The following UPF2 variants were observed in gnomAD, a reference collection of about 807,000 sequenced individuals.
UPF2 encodes regulator of nonsense transcripts 2.
Under a neutral mutation model 141.4 loss-of-function variants are expected in UPF2, and 17 were observed. That is an observed-to-expected ratio of 0.12 (90% CI 0.08 to 0.18). The LOEUF (loss-of-function observed/expected upper bound fraction) is 0.18. Ranked by LOEUF, UPF2 falls within the 10% of genes least tolerant of loss-of-function variation. The pLI, the probability that UPF2 is intolerant of heterozygous loss-of-function variation, is 1.00. For synonymous variants in UPF2, 540 were observed against 498.0 expected (o/e 1.08, Z -1.12); for missense variants, 1,152 against 1,515.9 (o/e 0.76, Z 3.99).
intron 4 of UPF2, among the ~76,000 whole-genome samples, chr10:12,006,104 T>G (rs1834031203): frequency 6.6e-6 from 1 of 151,990 alleles, no homozygotes; most frequent in African/African-American, 2.4e-5. Context: ...GGTCTCAAAC[T>G]CCTAAGTTCA....
At chr10:12,034,988 T>C in intron 2 of UPF2, 71 bp downstream of exon 2, 1 of 1,504,644 alleles carries the variant, frequency 6.6e-7, no homozygotes, top group South Asian at 1.4e-5. Context: ...ATATTTCAAA[T>C]AATGTTTTTT....
chr10:12,021,071 T>C (rs961236956), intron 3 of UPF2, among the ~76,000 whole-genome samples: 1 of 152,176 alleles, frequency 6.6e-6, no homozygotes, highest in Non-Finnish European at 1.5e-5. Flanking sequence ...AATGTAAATA[T>C]GGGTGGATAT....
At chr10:12,034,173 T>G (rs1203893043) in intron 2 of UPF2, among the ~76,000 whole-genome samples, 1 of 152,164 alleles carries the variant, frequency 6.6e-6, no homozygotes, top group Non-Finnish European at 1.5e-5. Flanking sequence ...AAAACTTACT[T>G]CACTGGGATT....
chr10:11,946,823 T>A (rs1212919093), intron 16 of UPF2, among the ~76,000 whole-genome samples: 3 of 152,144 alleles, frequency 2.0e-5, no homozygotes, highest in Admixed American at 6.5e-5. Flanking sequence ...CAAGCAATCC[T>A]CCCACCTCAG....
intron 11 of UPF2, among the ~76,000 whole-genome samples, chr10:11,963,674 G>A (rs1162372385): frequency 6.6e-6 from 1 of 152,166 alleles, no homozygotes; most frequent in Non-Finnish European, 1.5e-5. Flanking sequence ...GGTTTGAGAT[G>A]CACCAAAACA....
intron 4 of UPF2, among the ~76,000 whole-genome samples, chr10:12,007,528 A>C (rs1834053520): frequency 6.6e-6 from 1 of 152,164 alleles, no homozygotes; most frequent in East Asian, 1.9e-4. Context: ...TGCAATGCAT[A>C]TAAAAAATAT....
intron 19 of UPF2, among the ~76,000 whole-genome samples, chr10:11,934,357 G>C (rs941968762): frequency 1.2e-4 from 19 of 152,126 alleles, no homozygotes; most frequent in Admixed American, 5.2e-4. Flanking sequence ...ATAGAGAATG[G>C]AGAGTAAAGG....
chr10:11,938,867 T>TTTTTTG (rs1564337869), intron 18 of UPF2, among the ~76,000 whole-genome samples: 5 of 103,356 alleles, frequency 4.8e-5, no homozygotes, highest in African/African-American at 1.7e-4. Flanking sequence ...TTTTTTTTTT[T>TTTTTTG]TTTTTTTTTT....
At chr10:11,948,257 A>C in intron 16 of UPF2, 112 bp downstream of exon 16, 3 of 1,129,904 alleles carry the variant, frequency 2.7e-6, no homozygotes, top group Non-Finnish European at 3.6e-6. Context: ...CAAAAAAAAA[A>C]AAAAAAAAAA....
chr10:11,956,084 T>C lies in UPF2; in HGVS notation c.2574+236A>G, dbSNP rs112542372. ...ATTGCTTGAACCCAGGAGGAAGAGGTTGCAGCGAGCGGAGATCGTGCCAGT... is the reference window on the plus strand; with the variant it reads ...ATTGCTTGAACCCAGGAGGAAGAGGCTGCAGCGAGCGGAGATCGTGCCAGT... On this transcript the variant is annotated intron_variant, in intron 13 of 21. Transcript: ENST00000357604. This position sits in a 1 kb window ranked among gnomAD's most constrained non-coding sequence, Gnocchi z 4.2. Among the ~76,000 whole-genome samples the C allele has an allele frequency of 3.3e-5, 5 of 151,516 alleles. No homozygotes were observed. Among genetic ancestry groups the C allele is most frequent in the African/African-American group, 9.7e-5 (4 of 41,298 alleles).
chr10:11,939,616 G>A lies in UPF2; in HGVS notation c.3379-2904C>T, dbSNP rs1485827302. 6.6e-6 allele frequency among the ~76,000 whole-genome samples: 1 copy of A among 151,830 alleles called. No individual in the cohort carries two copies. Among genetic ancestry groups the A allele is most frequent in the Non-Finnish European group, 1.5e-5 (1 of 67,988 alleles). The stretch of plus-strand genomic sequence containing the variant: ...TGCAACCTCCACCTCCCAGGTTCAA[G>A]TGATTCTCCTGACTCAGCCTCCTGA... On this transcript the variant is annotated intron_variant, in intron 18 of 21. Coordinates refer to ENST00000357604, the MANE Select transcript of UPF2 (RefSeq NM_015542.4). The surrounding 1 kb of genome is among the most constrained non-coding windows in gnomAD (Gnocchi z 4.8).
chr10:11,947,429 T>A lies in UPF2; in HGVS notation c.3174+940A>T, dbSNP rs903290781. The stretch of plus-strand genomic sequence containing the variant: ...AGCTCATTAATATCTAGCCAGTAAT[T>A]TTGTTTTGAAGAGTATAAAATCCAC... On this transcript the variant is annotated intron_variant, in intron 16 of 21. Transcript: ENST00000357604. 2.8e-4 allele frequency among the ~76,000 whole-genome samples: 43 copies of A among 152,122 alleles called. 1 individual carries two copies. The highest frequency in any genetic ancestry group is 9.4e-4 in the African/African-American group (39 of 41,404).
At chr10:12,023,470 C>T (rs7098417) in intron 3 of UPF2, among the ~76,000 whole-genome samples, 13,222 of 144,028 alleles carry the variant, frequency 0.092, 770 homozygotes, top group South Asian at 0.13. Flanking sequence ...GTCAAGAGAT[C>T]GAGACCATCC....
intron 1 of UPF2, among the ~76,000 whole-genome samples, chr10:12,037,134 G>A (rs1834642393): frequency 6.6e-6 from 1 of 152,162 alleles, no homozygotes; most frequent in Admixed American, 6.6e-5. Context: ...GCCCAGGCTG[G>A]AGTGCAGTGG....
At chr10:12,011,834 A>C (rs904602008) in intron 4 of UPF2, among the ~76,000 whole-genome samples, 1 of 150,184 alleles carries the variant, frequency 6.7e-6, no homozygotes, top group African/African-American at 2.5e-5. Flanking sequence ...AATCCCAGCT[A>C]CTCAGGAGGC....
intron 9 of UPF2, among the ~76,000 whole-genome samples, chr10:11,977,536 C>G (rs972881200): frequency 6.6e-6 from 1 of 152,106 alleles, no homozygotes; most frequent in Admixed American, 6.6e-5. Context: ...AAGTTTTTCA[C>G]CAAAAGCACT....
At chr10:12,020,714 T>A (rs1277519094) in intron 3 of UPF2, among the ~76,000 whole-genome samples, 1 of 152,220 alleles carries the variant, frequency 6.6e-6, no homozygotes, top group East Asian at 1.9e-4. Context: ...GATTCACATT[T>A]ACCTCAGAGT....
At chr10:11,941,047 T>C (rs944554878) in intron 18 of UPF2, among the ~76,000 whole-genome samples, 4 of 152,214 alleles carry the variant, frequency 2.6e-5, no homozygotes, top group Admixed American at 1.3e-4. Context: ...ACCAAAGCAT[T>C]CTGCTCTTAG....
At chr10:12,011,884 G>T (rs1834133604) in intron 4 of UPF2, among the ~76,000 whole-genome samples, 1 of 151,682 alleles carries the variant, frequency 6.6e-6, no homozygotes, top group African/African-American at 2.4e-5. Context: ...GGCAGAAGTT[G>T]CAGTGAGCCG....
Sources: allele counts gnomAD v4.1 joint callset (sites outside exome capture counted in the v4.1 genomes callset), GRCh38; gene constraint gnomAD v4.1.1; non-coding constraint Gnocchi (gnomAD v3.1); transcripts MANE v1.5; gene names NCBI Gene and HGNC (gene_info 2026-07-23, HGNC 2026-07-21).